TMTC2: variants seen among roughly 807,000 people sequenced by gnomAD.
TMTC2 encodes protein O-mannosyl-transferase TMTC2.
In TMTC2, 43 loss-of-function variants were observed where a neutral mutation model predicts 82.4. The ratio of observed to expected loss-of-function variants is 0.52; its 90% confidence interval spans 0.41 to 0.67. The LOEUF is 0.67. Among genes scored for constraint, TMTC2 ranks in the 30% least tolerant of loss-of-function variants. The pLI, the probability that TMTC2 is intolerant of heterozygous loss-of-function variation, is 0.00. For synonymous variants in TMTC2, 408 were observed against 381.9 expected (o/e 1.07, Z -0.80); for missense variants, 919 against 1,012.4 (o/e 0.91, Z 1.25).
At chr12:82,880,308 A>G (rs1295474742) in intron 2 of TMTC2, among the ~76,000 whole-genome samples, 1 of 152,202 alleles carries the variant, frequency 6.6e-6, no homozygotes, top group African/African-American at 2.4e-5. Context: ...AATTTTTATT[A>G]CTATCTGGTA....
intron 11 of TMTC2, among the ~76,000 whole-genome samples, chr12:83,113,211 G>A (rs772426415): frequency 2.0e-5 from 3 of 152,112 alleles, no homozygotes; most frequent in Admixed American, 6.5e-5. Context: ...AGGTAAGGAC[G>A]TAAGGTTTTC....
intron 1 of TMTC2, among the ~76,000 whole-genome samples, chr12:82,830,468 A>G (rs1481226194): frequency 6.6e-6 from 1 of 152,150 alleles, no homozygotes; most frequent in African/African-American, 2.4e-5. Flanking sequence ...ATAGCTAGAT[A>G]CAATATTAGT....
chr12:82,701,742 C>T (rs1441695467), intron 1 of TMTC2, among the ~76,000 whole-genome samples: 6 of 144,704 alleles, frequency 4.1e-5, no homozygotes, highest in South Asian at 2.2e-4. Context: ...CCCTGGGCAA[C>T]GAGCAAAACT....
intron 8 of TMTC2, among the ~76,000 whole-genome samples, chr12:83,004,080 C>A (rs1180275303): frequency 6.6e-6 from 1 of 152,116 alleles, no homozygotes; most frequent in Non-Finnish European, 1.5e-5. Flanking sequence ...ATTCTTTATT[C>A]TCTTTTTTGT....
At chr12:82,889,508 A>G (rs1403787624) in intron 2 of TMTC2, among the ~76,000 whole-genome samples, 1 of 151,822 alleles carries the variant, frequency 6.6e-6, no homozygotes, top group Admixed American at 6.6e-5. Flanking sequence ...TCATGTACTC[A>G]TCTCCCTACA....
intron 1 of TMTC2, among the ~76,000 whole-genome samples, chr12:82,730,690 A>T (rs1411173690): frequency 6.6e-6 from 1 of 152,192 alleles, no homozygotes; most frequent in Non-Finnish European, 1.5e-5. Context: ...TCTAAATCAG[A>T]TACAGTGGAA....
chr12:82,851,449 A>G (rs1870971844), intron 1 of TMTC2, among the ~76,000 whole-genome samples: 1 of 152,164 alleles, frequency 6.6e-6, no homozygotes, highest in Non-Finnish European at 1.5e-5. Flanking sequence ...AACATATGTT[A>G]CCTATGTTAC....
At chr12:82,759,282 C>G (rs974670189) in intron 1 of TMTC2, 1 of 152,032 alleles carries the variant, frequency 6.6e-6, no homozygotes, top group Admixed American at 6.6e-5. Flanking sequence ...TGTTTTGAAC[C>G]CTGCCCAATA....
chr12:83,043,487 T>C (rs896623652), intron 9 of TMTC2, among the ~76,000 whole-genome samples: 1 of 152,206 alleles, frequency 6.6e-6, no homozygotes, highest in African/African-American at 2.4e-5. Context: ...TTTGAAAAAG[T>C]CCGCAGGTAC....
intron 8 of TMTC2, among the ~76,000 whole-genome samples, chr12:83,000,621 A>T (rs376074899): frequency 6.6e-6 from 1 of 152,020 alleles, no homozygotes; most frequent in Non-Finnish European, 1.5e-5. Flanking sequence ...TTCCAGGTGC[A>T]TGGTGCAAGC....
chr12:82,966,809 G>T, intron 6 of TMTC2, 110 bp from the exon 7 acceptor site: 2 of 696,054 alleles, frequency 2.9e-6, no homozygotes, highest in African/African-American at 1.8e-5. Context: ...GAACCATTTA[G>T]AAATAGCAGT....
At position 83,082,903 on chromosome 12, in the gene TMTC2, T is replaced by C. The variant is rs146044758; in HGVS notation, c.2331+21072T>C. 7.9e-5 allele frequency among the ~76,000 whole-genome samples: 12 copies of C among 152,346 alleles called. No homozygotes were observed. In the East Asian group the frequency reaches 2.3e-3, roughly 29 times the overall value. ...ACAGTGAACTTCCAGTGGAATTATGTCATATTCACATGTCCTGGTAGGCAA... is the reference window on the plus strand; with the variant it reads ...ACAGTGAACTTCCAGTGGAATTATGCCATATTCACATGTCCTGGTAGGCAA... On this transcript the variant is annotated intron_variant, in intron 11 of 11. Transcript: ENST00000321196.
At chr12:83,018,045 G>C (rs1029540255) in intron 8 of TMTC2, among the ~76,000 whole-genome samples, 38 of 147,946 alleles carry the variant, frequency 2.6e-4, no homozygotes, top group Admixed American at 1.5e-3. Context: ...TTGTGTGTGT[G>C]TATGTATATA....
intron 7 of TMTC2, 47 bp downstream of exon 7, chr12:82,967,044 G>A (rs1878245253): frequency 1.4e-6 from 2 of 1,398,922 alleles, no homozygotes; most frequent in Non-Finnish European, 2.0e-6. Context: ...AGGGACCTGT[G>A]GAGAAACAGG....
chr12:82,754,079 A>AC (rs1419259880), intron 1 of TMTC2, among the ~76,000 whole-genome samples: 3 of 152,168 alleles, frequency 2.0e-5, no homozygotes, highest in Non-Finnish European at 2.9e-5. Context: ...CTTGGGAGAT[A>AC]CCCCAAAGAA....
At chr12:83,056,757 A>G (rs1882559519) in intron 10 of TMTC2, among the ~76,000 whole-genome samples, 1 of 151,902 alleles carries the variant, frequency 6.6e-6, no homozygotes, top group African/African-American at 2.4e-5. Flanking sequence ...TCCAATTTAC[A>G]ATCACAAGGC....
chr12:82,769,030 G>T (rs959324678), intron 1 of TMTC2, among the ~76,000 whole-genome samples: 1 of 151,386 alleles, frequency 6.6e-6, no homozygotes, highest in Non-Finnish European at 1.5e-5. Flanking sequence ...CTGTCTGCAG[G>T]CAAGCAAATC....
intron 2 of TMTC2, among the ~76,000 whole-genome samples, chr12:82,876,066 GTGA>G (rs140966539): frequency 1.2e-4 from 12 of 101,128 alleles, no homozygotes; most frequent in East Asian, 2.4e-4. Context: ...GGTGGTGGTG[GTGA>G]TGATGATGAT....
chr12:82,832,049 C>G (rs567054544), intron 1 of TMTC2, among the ~76,000 whole-genome samples: 1 of 152,128 alleles, frequency 6.6e-6, no homozygotes, highest in Non-Finnish European at 1.5e-5. Flanking sequence ...TTATACAGAA[C>G]GTTTTATCTG....
Sources: allele counts gnomAD v4.1 joint callset (sites outside exome capture counted in the v4.1 genomes callset), GRCh38; gene constraint gnomAD v4.1.1; transcripts MANE v1.5; gene names NCBI Gene and HGNC (gene_info 2026-07-23, HGNC 2026-07-21).